The following PPIL4 variants were observed in gnomAD, a reference collection of about 807,000 sequenced individuals.
PPIL4 encodes the protein peptidyl-prolyl cis-trans isomerase-like 4.
PPIL4 carries 50 observed loss-of-function variants against 69.1 expected under a neutral mutation model. The observed-to-expected ratio is 0.72, with a 90% CI of 0.58 to 0.92. PPIL4 has a LOEUF of 0.92. PPIL4 is among the 40% of genes least tolerant of loss of function. The pLI is 0.00. For synonymous variants in PPIL4, 193 were observed against 191.6 expected, an observed-to-expected ratio of 1.01 and a Z score of -0.06; for missense variants, 480 against 587.9, an observed-to-expected ratio of 0.82 and a Z score of 1.90.
At chr6:149,542,007 C>A (rs1279489824) in intron 1 of PPIL4, among the ~76,000 whole-genome samples, 1 of 151,374 alleles carries the variant, frequency 6.6e-6, no homozygotes, top group Admixed American at 6.6e-5. Flanking sequence ...GAGCAAGACT[C>A]TATCTCAAAA....
Position 149,525,222 on chromosome 6 carries a change from AT to A in PPIL4, c.804-14del. On this transcript the variant is annotated splice_polypyrimidine_tract_variant and intron_variant, in intron 8 of 12. Coordinates refer to ENST00000253329, the MANE Select transcript of PPIL4 (RefSeq NM_139126.4). ...GATAACTTCACAACTGAAAGAAAGT[AT>A]TTAAAAGTGACTTAAAAAAAAAAAA... The A allele has an allele frequency of 7.1e-7, 1 of 1,406,360 alleles. No homozygotes were observed. The highest frequency in any genetic ancestry group is 9.9e-7 in the Non-Finnish European group (1 of 1,014,018). The allele number at this position is 1,406,360 out of a possible 1,614,324, so 87.1% of individuals were successfully genotyped here.
chr6:149,508,315 G>A (rs1432496981), intron 12 of PPIL4, among the ~76,000 whole-genome samples: 1 of 152,092 alleles, frequency 6.6e-6, no homozygotes, highest in Non-Finnish European at 1.5e-5. Flanking sequence ...TATCTAAAGT[G>A]AGATAAATGA....
At chr6:149,521,819 C>T (rs1281686444) in intron 9 of PPIL4, among the ~76,000 whole-genome samples, 1 of 152,168 alleles carries the variant, frequency 6.6e-6, no homozygotes, top group East Asian at 1.9e-4. Context: ...AGATAATGAA[C>T]TGTGAGACTG....
At chr6:149,540,681 G>A (rs1288474156) in intron 4 of PPIL4, among the ~76,000 whole-genome samples, 1 of 152,252 alleles carries the variant, frequency 6.6e-6, no homozygotes, top group South Asian at 2.1e-4. Flanking sequence ...TGTGAACAGT[G>A]ATAATCACGG....
chr6:149,541,719 A>C, intron 1 of PPIL4, 133 bp from the exon 2 acceptor site: 1 of 559,504 alleles, frequency 1.8e-6, no homozygotes, highest in Admixed American at 3.0e-5. Flanking sequence ...AAGCTATAAA[A>C]AAGGGCAATA....
At chr6:149,527,248 C>T (rs1328677764) in intron 7 of PPIL4, among the ~76,000 whole-genome samples, 1 of 152,212 alleles carries the variant, frequency 6.6e-6, no homozygotes, top group African/African-American at 2.4e-5. Context: ...GTCCTAACTA[C>T]TCGGGACACT....
At chr6:149,541,345 AT>A (rs1777358486) in intron 3 of PPIL4, 21 bp downstream of exon 3, 1 of 1,061,856 alleles carries the variant, frequency 9.4e-7, no homozygotes, top group Non-Finnish European at 1.3e-6. Context: ...AAATAAATAA[AT>A]AAATAAATAA....
intron 7 of PPIL4, among the ~76,000 whole-genome samples, chr6:149,533,198 T>C (rs936949611): frequency 6.6e-6 from 1 of 152,190 alleles, no homozygotes; most frequent in African/African-American, 2.4e-5. Flanking sequence ...GAGATGAATA[T>C]TAAACAACTG....
chr6:149,526,442 T>C (rs538757135), intron 8 of PPIL4, among the ~76,000 whole-genome samples: 10 of 152,216 alleles, frequency 6.6e-5, no homozygotes, highest in South Asian at 4.1e-4. Context: ...GGAGATTCAA[T>C]TATTTATCTG....
At chr6:149,511,397 T>TTG (rs375170478) in intron 12 of PPIL4, among the ~76,000 whole-genome samples, 2,519 of 147,630 alleles carry the variant, frequency 0.017, 49 homozygotes, top group African/African-American at 0.05. Context: ...GCCTGGCCAA[T>TTG]TGTGTGTGTG....
At chr6:149,513,242 C>T (rs1448910408) in intron 11 of PPIL4, among the ~76,000 whole-genome samples, 2 of 146,590 alleles carry the variant, frequency 1.4e-5, no homozygotes, top group Non-Finnish European at 3.0e-5. Context: ...AAAAATTAGC[C>T]GGGCATGGTG....
chr6:149,512,451 T>G (rs1433805989), intron 11 of PPIL4, 149 bp from the exon 12 acceptor site: 1 of 498,654 alleles, frequency 2.0e-6, no homozygotes, highest in African/African-American at 2.0e-5. Context: ...AAAACAAAAC[T>G]AACATTTTCT....
rs372075841 is a variant in PPIL4, at chr6:149,533,525, G to C, written c.611C>G (p.Ser204Ter). 1.2e-6 allele frequency: 2 copies of C among 1,612,590 alleles called. No individual in the cohort carries two copies. Among genetic ancestry groups the C allele is most frequent in the Non-Finnish European group, 8.5e-7 (1 of 1,179,128 alleles). ...DEEIDDFKGR[S>*]AEEVEEIKAE... ...CTTTATTTCTTCTACTTCCTCAGCTGATCTTCCTTTGAAATCATCAATTTC... is the reference window on the plus strand; with the variant it reads ...CTTTATTTCTTCTACTTCCTCAGCTCATCTTCCTTTGAAATCATCAATTTC... Residue 204 changes from serine to a stop codon, truncating the protein, a stop_gained, in exon 7 of 13, where the codon TCA becomes TGA. Transcript: ENST00000253329. LOFTEE classifies it high-confidence loss of function.
At chr6:149,525,889 A>G (rs1159985635) in intron 8 of PPIL4, among the ~76,000 whole-genome samples, 3 of 152,210 alleles carry the variant, frequency 2.0e-5, no homozygotes, top group Admixed American at 1.3e-4. Context: ...TCACAAGGTC[A>G]GGAGCTCGAG....
intron 7 of PPIL4, among the ~76,000 whole-genome samples, chr6:149,528,774 A>T (rs1777146345): frequency 6.6e-6 from 1 of 152,240 alleles, no homozygotes; most frequent in Non-Finnish European, 1.5e-5. Flanking sequence ...ACCCAAATGC[A>T]TAGAAACTTT....
In PPIL4 at chr6:149,525,158, A is replaced by G. The variant is rs1777087857; in HGVS notation, c.855T>C (p.Phe285=). The G allele has an allele frequency of 2.6e-6, 4 of 1,552,732 alleles. No individual in the cohort carries two copies. The highest frequency in any genetic ancestry group is 3.5e-5 in the Admixed American group (2 of 56,438). Reference sequence around the variant, plus strand: ...TATGACATACCTTTTCAAATTCAATAAAAGCGTAACAGAGGGACTCTCCTG... The same window carrying G: ...TATGACATACCTTTTCAAATTCAATGAAAGCGTAACAGAGGGACTCTCCTG... ...WKTGESLCYA[F]IEFEKEEDCE... The change falls in exon 9 of 13, where the codon TTT becomes TTC. Residue 285 remains phenylalanine (F), a synonymous_variant. Coordinates refer to ENST00000253329, the MANE Select transcript of PPIL4 (RefSeq NM_139126.4).
chr6:149,544,617 T>C (rs913497992), intron 1 of PPIL4, among the ~76,000 whole-genome samples: 1 of 152,200 alleles, frequency 6.6e-6, no homozygotes, highest in African/African-American at 2.4e-5. Flanking sequence ...AACCCTCAGG[T>C]AACTCTGCTT....
At chr6:149,508,746 C>G (rs1425988283) in intron 12 of PPIL4, among the ~76,000 whole-genome samples, 1 of 152,104 alleles carries the variant, frequency 6.6e-6, no homozygotes. Context: ...AAACCCAAAC[C>G]TCAACAACAC....
chr6:149,530,254 T>A (rs890852701), intron 7 of PPIL4, among the ~76,000 whole-genome samples: 1 of 152,190 alleles, frequency 6.6e-6, no homozygotes, highest in African/African-American at 2.4e-5. Context: ...CTCTGTACTT[T>A]ATGTTCAGTT....
Sources: gnomAD v4.1 joint callset for allele counts (sites outside exome capture counted in the v4.1 genomes callset) on GRCh38, gnomAD v4.1.1 for gene constraint, MANE v1.5 for transcripts, NCBI Gene and HGNC (gene_info 2026-07-23, HGNC 2026-07-21) for gene names.